DLG2: variants seen among roughly 807,000 people sequenced by gnomAD.
The protein encoded by DLG2 is discs large MAGUK scaffold protein 2.
A neutral mutation model predicts 132.5 loss-of-function variants in DLG2; 45 were observed. That is an observed-to-expected ratio of 0.34 (90% CI 0.27 to 0.44). DLG2 has a LOEUF of 0.44. Among genes scored for constraint, DLG2 ranks in the 20% least tolerant of loss-of-function variants. The pLI is 1.00. For synonymous variants in DLG2, 424 were observed against 419.6 expected, an observed-to-expected ratio of 1.01 and a Z score of -0.13; for missense variants, 1,045 against 1,196.9, an observed-to-expected ratio of 0.87 and a Z score of 1.87.
chr11:84,603,260 T>C (rs565477808), intron 6 of DLG2, among the ~76,000 whole-genome samples: 1 of 152,096 alleles, frequency 6.6e-6, no homozygotes, highest in South Asian at 2.1e-4. Flanking sequence ...GCCAGGTTAT[T>C]TATATCTCTA....
rs2067418411 is a variant in DLG2 at position 83,885,033 on chromosome 11, A to C, written c.1497-10545T>G. ...AGAAAAACTGGAAACTCTAAAAAGC[A>C]GAGCGCCTCTCCTCCTCCAAAGGAA... On this transcript the variant is annotated intron_variant, in intron 15 of 27. Transcript: ENST00000376104. 2.0e-5 allele frequency among the ~76,000 whole-genome samples: 3 copies of C among 152,258 alleles called. No individual in the cohort carries two copies. In the South Asian group the frequency reaches 6.2e-4, roughly 31 times the overall value.
intron 4 of DLG2, among the ~76,000 whole-genome samples, chr11:85,159,359 C>T (rs1208214764): frequency 2.0e-5 from 3 of 152,192 alleles, no homozygotes; most frequent in East Asian, 1.9e-4. Flanking sequence ...ACATTGGCTC[C>T]ATGACTGGTA....
At chr11:83,974,165 A>T (rs77985485) in intron 12 of DLG2, among the ~76,000 whole-genome samples, 6,470 of 152,188 alleles carry the variant, frequency 0.043, 197 homozygotes, top group Non-Finnish European at 0.067. Flanking sequence ...GGTATAACCA[A>T]TGAATATGCT....
At chr11:85,005,024 A>T (rs1260966850) in intron 6 of DLG2, among the ~76,000 whole-genome samples, 1 of 152,154 alleles carries the variant, frequency 6.6e-6, no homozygotes, top group East Asian at 1.9e-4. Flanking sequence ...TTTGTCTAAG[A>T]TCAGATGGTT....
At position 84,112,322 on chromosome 11, in the gene DLG2, C is replaced by CTTTT. The variant is rs60021668; in HGVS notation, c.625-13279_625-13276dup. On this transcript the variant is annotated intron_variant, in intron 9 of 27. Transcript: ENST00000376104. Reference sequence around the variant, plus strand: ...CTTTTTTTTTTTCTTTTTACTTTTCCTTTTTTTTTTTTTTTTTTTTTTTTT... The same window carrying CTTTT: ...CTTTTTTTTTTTCTTTTTACTTTTCCTTTTTTTTTTTTTTTTTTTTTTTTTTTTT... Among the ~76,000 whole-genome samples, 4 of 119,216 alleles carry CTTTT rather than the reference C, an allele frequency of 3.4e-5. No homozygotes were observed. In the South Asian group the frequency reaches 8.2e-4, roughly 24 times the overall value. 78.2% of individuals were successfully genotyped at this position (119,216 alleles called of 152,430 possible). A position where few individuals can be genotyped will look rare whatever the true frequency, so the allele number is the denominator to read the frequency against.
intron 7 of DLG2, among the ~76,000 whole-genome samples, chr11:84,400,025 A>G (rs539771384): frequency 6.6e-6 from 1 of 152,326 alleles, no homozygotes; most frequent in African/African-American, 2.4e-5. Context: ...CTCAGTTAAT[A>G]CATGTTTGAA....
At chr11:84,862,750 A>C (rs1474551727) in intron 6 of DLG2, among the ~76,000 whole-genome samples, 1 of 146,522 alleles carries the variant, frequency 6.8e-6, no homozygotes, top group Non-Finnish European at 1.5e-5. Flanking sequence ...GTTCTCACTC[A>C]TAAATAGGAG....
intron 6 of DLG2, among the ~76,000 whole-genome samples, chr11:84,637,899 T>C (rs191569291): frequency 4.4e-4 from 67 of 152,306 alleles, no homozygotes; most frequent in Middle Eastern, 3.4e-3. Flanking sequence ...TTGTGAGGCT[T>C]AAAAAAAGTT....
At chr11:84,945,960 C>T (rs925716791) in intron 6 of DLG2, among the ~76,000 whole-genome samples, 3 of 152,054 alleles carry the variant, frequency 2.0e-5, no homozygotes, top group African/African-American at 7.2e-5. Context: ...TCTCCTCAAG[C>T]AGAAGGAGCT....
At chr11:83,610,278 C>T (rs149777093) in intron 19 of DLG2, among the ~76,000 whole-genome samples, 10 of 152,150 alleles carry the variant, frequency 6.6e-5, no homozygotes, top group East Asian at 3.9e-4. Context: ...ATCTAAAAGC[C>T]GGAAATGGAA....
chr11:85,086,222 A>G (rs2067903928), intron 6 of DLG2, among the ~76,000 whole-genome samples: 1 of 152,162 alleles, frequency 6.6e-6, no homozygotes, highest in Middle Eastern at 3.2e-3. Context: ...GCCATCCATC[A>G]TAATCAATTT....
intron 6 of DLG2, among the ~76,000 whole-genome samples, chr11:84,647,269 T>C (rs2099676088): frequency 6.6e-6 from 1 of 152,146 alleles, no homozygotes. Flanking sequence ...TGCTCAGACA[T>C]CTTTGTGTAC....
chr11:85,193,502 A>G (rs2080782230), intron 4 of DLG2, among the ~76,000 whole-genome samples: 1 of 152,238 alleles, frequency 6.6e-6, no homozygotes, highest in Admixed American at 6.5e-5. Flanking sequence ...AAGTGGCTGC[A>G]CTATTGTAAA....
intron 3 of DLG2, among the ~76,000 whole-genome samples, chr11:85,525,201 G>A (rs2153184755): frequency 6.6e-6 from 1 of 152,256 alleles, no homozygotes; most frequent in Non-Finnish European, 1.5e-5. Context: ...AGATGCAGAG[G>A]AAGCATTTGA....
At chr11:84,445,882 C>T (rs1453440329) in intron 7 of DLG2, among the ~76,000 whole-genome samples, 1 of 139,802 alleles carries the variant, frequency 7.2e-6, no homozygotes, top group East Asian at 2.1e-4. Context: ...TGTCACTGCA[C>T]TCCAGGCTGG....
intron 7 of DLG2, among the ~76,000 whole-genome samples, chr11:84,260,282 AT>A (rs2097534028): frequency 6.6e-6 from 1 of 151,992 alleles, no homozygotes; most frequent in African/African-American, 2.4e-5. Context: ...GCCAAACAGA[AT>A]TTTCTTCACT....
intron 6 of DLG2, among the ~76,000 whole-genome samples, chr11:84,790,626 G>A (rs1050973652): frequency 1.3e-5 from 2 of 152,138 alleles, no homozygotes; most frequent in Non-Finnish European, 2.9e-5. Context: ...TTGGTTGCCT[G>A]TGCTTGTAAG....
At chr11:84,670,647 T>A (rs1166198787) in intron 6 of DLG2, among the ~76,000 whole-genome samples, 5 of 152,112 alleles carry the variant, frequency 3.3e-5, no homozygotes, top group African/African-American at 1.2e-4. Flanking sequence ...TTACATAAAT[T>A]GTCACTAATC....
intron 9 of DLG2, among the ~76,000 whole-genome samples, chr11:84,143,974 G>A (rs2094963194): frequency 6.6e-6 from 1 of 152,214 alleles, no homozygotes; most frequent in African/African-American, 2.4e-5. Flanking sequence ...ACAAGAGTGA[G>A]GTTTCCAAAA....
Sources: allele counts gnomAD v4.1 joint callset (sites outside exome capture counted in the v4.1 genomes callset), GRCh38; gene constraint gnomAD v4.1.1; transcripts MANE v1.5; gene names NCBI Gene and HGNC (gene_info 2026-07-23, HGNC 2026-07-21).